The following SFMBT2 variants were observed in gnomAD, a reference collection of about 807,000 sequenced individuals.
SFMBT2 encodes the protein scm-like with four MBT domains protein 2.
Under a neutral mutation model 110.1 loss-of-function variants are expected in SFMBT2, and 38 were observed. That is an observed-to-expected ratio of 0.35 (90% CI 0.27 to 0.45). SFMBT2 has a LOEUF of 0.45. Among genes scored for constraint, SFMBT2 ranks in the 20% least tolerant of loss-of-function variants. The pLI, the probability that SFMBT2 is intolerant of heterozygous loss-of-function variation, is 1.00. For missense variants in SFMBT2, 1,011 were observed against 1,094.9 expected (o/e 0.92, Z 1.08); for synonymous variants, 425 against 425.4 (o/e 1.00, Z 0.01).
In SFMBT2 at chr10:7,171,630, TC is replaced by T. The variant is rs1837873858; in HGVS notation, c.2415+264del. On this transcript the variant is annotated intron_variant, in intron 19 of 20. Transcript: ENST00000397167. The surrounding 1 kb of genome is among the most constrained non-coding windows in gnomAD (Gnocchi z 4.9). ...TCAAAGGAAACTGAGGACTGTGCCC[TC>T]CTCCTGACAAGAACCCAGGTGGCAC... 5 of 948,966 alleles carry T rather than the reference TC, an allele frequency of 5.3e-6. No individual in the cohort carries two copies. Among genetic ancestry groups the T allele is most frequent in the Non-Finnish European group, 5.0e-6 (4 of 797,018 alleles). The allele number at this position is 948,966 out of a possible 1,614,324, so 58.8% of individuals were successfully genotyped here. A position where few individuals can be genotyped will look rare whatever the true frequency, so the allele number is the denominator to read the frequency against.
At chr10:7,174,640 G>A (rs1012107004) in intron 17 of SFMBT2, among the ~76,000 whole-genome samples, 1 of 152,200 alleles carries the variant, frequency 6.6e-6, no homozygotes, top group African/African-American at 2.4e-5. Context: ...CTCCTTCCCT[G>A]CCATTCCCAG....
intron 7 of SFMBT2, among the ~76,000 whole-genome samples, chr10:7,273,453 C>G (rs1171008979): frequency 6.6e-6 from 1 of 152,138 alleles, no homozygotes; most frequent in African/African-American, 2.4e-5. Flanking sequence ...AACCAACCAA[C>G]CCCCGCCCAC....
intron 4 of SFMBT2, among the ~76,000 whole-genome samples, chr10:7,317,812 T>C (rs1335868043): frequency 6.6e-6 from 1 of 152,138 alleles, no homozygotes; most frequent in Non-Finnish European, 1.5e-5. Context: ...TCAAATTCTA[T>C]TAAACCACCA....
chr10:7,200,048 G>A (rs1229411172), intron 14 of SFMBT2, among the ~76,000 whole-genome samples: 2 of 152,180 alleles, frequency 1.3e-5, no homozygotes, highest in Admixed American at 6.5e-5. Context: ...AAAAATGCAA[G>A]TGGAACGGAA....
At chr10:7,230,150 T>C (rs1840074387) in intron 9 of SFMBT2, among the ~76,000 whole-genome samples, 1 of 152,036 alleles carries the variant, frequency 6.6e-6, no homozygotes, top group South Asian at 2.1e-4. Flanking sequence ...TCCCCTTCTT[T>C]CTTAAGACAG....
At chr10:7,227,964 C>T (rs1022050460) in intron 9 of SFMBT2, 27 bp from the exon 10 acceptor site, 1 of 1,540,958 alleles carries the variant, frequency 6.5e-7, no homozygotes, top group African/African-American at 1.4e-5. Context: ...ACAGATAAAA[C>T]AGCGCACATT....
intron 5 of SFMBT2, chr10:7,284,727 T>C (rs1025629024): frequency 1.3e-5 from 3 of 229,186 alleles, no homozygotes; most frequent in African/African-American, 6.9e-5. Context: ...GACTACTATG[T>C]AAAATTATTT....
At position 7,205,861 on chromosome 10, in the gene SFMBT2, C is replaced by T; in HGVS notation, c.1398G>A (p.Trp466Ter). 1 of 1,614,110 alleles carries T rather than the reference C, an allele frequency of 6.2e-7. No homozygotes were observed. The highest frequency in any genetic ancestry group is 8.5e-7 in the Non-Finnish European group (1 of 1,179,986). ...VESMDIFPVG[W>*]CEANSYPLTA... ...TCAAAGGATAAGAATTGGCTTCACA[C>T]CAGCCCACTGGGAAGATGTCCATGG... The change falls in exon 12 of 21, where the codon TGG (tryptophan) becomes TGA (stop). Residue 466 changes from tryptophan (W) to a stop codon, truncating the protein, a stop_gained. Coordinates refer to ENST00000397167, the MANE Select transcript of SFMBT2 (RefSeq NM_001387889.1). LOFTEE classifies it high-confidence loss of function.
rs192911016 is a variant in SFMBT2 at position 7,339,993 on chromosome 10, A to G, written c.436+27656T>C. Among the ~76,000 whole-genome samples the G allele has an allele frequency of 6.0e-4, 92 of 152,296 alleles. 1 individual carries two copies. The highest frequency in any genetic ancestry group is 5.8e-3 in the Admixed American group (89 of 15,298). On this transcript the variant is annotated intron_variant, in intron 4 of 20. Coordinates refer to ENST00000397167, the MANE Select transcript of SFMBT2 (RefSeq NM_001387889.1). ...ACGCAAATGAGTGCTTAGGGCCTTA[A>G]CACTAACCAATTCACACAGGTCTGA...
At chr10:7,401,336 G>A (rs766125402) in intron 1 of SFMBT2, among the ~76,000 whole-genome samples, 1 of 152,112 alleles carries the variant, frequency 6.6e-6, no homozygotes, top group African/African-American at 2.4e-5. Context: ...CATAACATTC[G>A]TGTTGACCTT....
chr10:7,214,617 T>G (rs1338736520), intron 11 of SFMBT2: 2 of 985,366 alleles, frequency 2.0e-6, no homozygotes, highest in African/African-American at 1.7e-5. Context: ...AATCAGAAAC[T>G]ACACACGTAG....
chr10:7,257,865 A>T (rs967263035), intron 7 of SFMBT2, among the ~76,000 whole-genome samples: 3 of 152,204 alleles, frequency 2.0e-5, no homozygotes, highest in African/African-American at 7.2e-5. Flanking sequence ...AATACAACAA[A>T]ATTAAAATGT....
intron 16 of SFMBT2, among the ~76,000 whole-genome samples, chr10:7,177,329 G>C (rs759947777): frequency 4.6e-5 from 7 of 152,104 alleles, no homozygotes; most frequent in Non-Finnish European, 8.8e-5. Flanking sequence ...AAAAATAAAA[G>C]GCATTTCTCC....
At chr10:7,186,882 C>T (rs754433448) in intron 16 of SFMBT2, among the ~76,000 whole-genome samples, 16 of 152,192 alleles carry the variant, frequency 1.1e-4, no homozygotes, top group African/African-American at 1.7e-4. Flanking sequence ...GCTATGATCT[C>T]GCACAGTTGA....
chr10:7,279,583 C>T (rs892520906), intron 6 of SFMBT2, among the ~76,000 whole-genome samples: 11 of 152,136 alleles, frequency 7.2e-5, no homozygotes, highest in African/African-American at 2.2e-4. Flanking sequence ...CAAAGAACAT[C>T]GACCATTTTC....
intron 10 of SFMBT2, among the ~76,000 whole-genome samples, chr10:7,220,823 C>CTTCT (rs149824371): frequency 0.77 from 110,082 of 143,004 alleles, 41,878 homozygotes; most frequent in East Asian, 0.91. Flanking sequence ...TGCACCCTTC[C>CTTCT]TTCTTTTTTT....
intron 7 of SFMBT2, among the ~76,000 whole-genome samples, chr10:7,251,863 G>T (rs562017919): frequency 1.3e-5 from 2 of 152,108 alleles, no homozygotes; most frequent in Admixed American, 6.5e-5. Flanking sequence ...TCTGGTGCAC[G>T]GGGACAAGCA....
rs1004700458 is a variant in SFMBT2, at chr10:7,158,853, A to G, written c.*4917T>C. 2 of 152,226 alleles carry G rather than the reference A, an allele frequency of 1.3e-5. No individual in the cohort carries two copies. Among genetic ancestry groups the G allele is most frequent in the African/African-American group, 4.8e-5 (2 of 41,462 alleles). 9.4% of individuals were successfully genotyped at this position (152,226 alleles called of 1,614,324 possible). On this transcript the variant is annotated 3_prime_UTR_variant, in exon 21 of 21. Coordinates refer to ENST00000397167, the MANE Select transcript of SFMBT2 (RefSeq NM_001387889.1). Reference sequence around the variant, plus strand: ...TTTTTCCCTTTTACGCACCAAAAACATACACAAGATAGGAATCCAATTTCA... The same window carrying G: ...TTTTTCCCTTTTACGCACCAAAAACGTACACAAGATAGGAATCCAATTTCA...
At chr10:7,182,199 G>A (rs944668258) in intron 16 of SFMBT2, among the ~76,000 whole-genome samples, 9 of 151,982 alleles carry the variant, frequency 5.9e-5, no homozygotes, top group South Asian at 4.1e-4. Context: ...TACCATGCCC[G>A]GCTAATTTTT....
Sources: allele counts gnomAD v4.1 joint callset (sites outside exome capture counted in the v4.1 genomes callset), GRCh38; gene constraint gnomAD v4.1.1; non-coding constraint Gnocchi (gnomAD v3.1); transcripts MANE v1.5; gene names NCBI Gene and HGNC (gene_info 2026-07-23, HGNC 2026-07-21).